Variants in HSD17B12 observed in about 807,000 individuals in gnomAD.
HSD17B12 encodes the protein hydroxysteroid 17-beta dehydrogenase 12.
Under a neutral mutation model 39.3 loss-of-function variants are expected in HSD17B12, and 32 were observed. The ratio of observed to expected loss-of-function variants is 0.81; its 90% CI spans 0.61 to 1.09. The LOEUF is 1.09. Among genes scored for constraint, HSD17B12 ranks in the 50% least tolerant of loss-of-function variants. The probability of loss-of-function intolerance (pLI) is 0.00; values close to 1 mark genes in which losing one functional copy is unlikely to be tolerated. For missense variants in HSD17B12, 342 were observed against 382.9 expected, an observed-to-expected ratio of 0.89 and a Z score of 0.89; for synonymous variants, 150 against 146.7, an observed-to-expected ratio of 1.02 and a Z score of -0.16.
chr11:43,741,614 A>G (rs1399416306), intron 1 of HSD17B12, among the ~76,000 whole-genome samples: 1 of 152,098 alleles, frequency 6.6e-6, no homozygotes, highest in Non-Finnish European at 1.5e-5. Context: ...TCTAAAATTT[A>G]TGATGAAGAA....
At chr11:43,837,222 G>A (rs1951379480) in intron 7 of HSD17B12, among the ~76,000 whole-genome samples, 1 of 152,068 alleles carries the variant, frequency 6.6e-6, no homozygotes, top group Non-Finnish European at 1.5e-5. Context: ...ATTTAATCAT[G>A]TATCCTTTAT....
the HSD17B12 span, among the ~76,000 whole-genome samples, chr11:43,558,327 G>A: frequency 2.0e-5 from 3 of 152,124 alleles, no homozygotes; most frequent in Admixed American, 6.6e-5. Flanking sequence ...TCCCTCCCCC[G>A]CGTCTTTCAC....
At chr11:43,565,508 T>C in the HSD17B12 span, among the ~76,000 whole-genome samples, 2 of 152,170 alleles carry the variant, frequency 1.3e-5, no homozygotes, top group African/African-American at 4.8e-5. Flanking sequence ...GAGCCTAGCA[T>C]AGTTACAATA....
At chr11:43,783,851 T>G (rs1950790675) in intron 3 of HSD17B12, among the ~76,000 whole-genome samples, 2 of 152,188 alleles carry the variant, frequency 1.3e-5, no homozygotes, top group Non-Finnish European at 2.9e-5. Flanking sequence ...TTAACTCACT[T>G]AAAAATAATA....
chr11:43,559,878 A>G, the HSD17B12 span: 5 of 155,914 alleles, frequency 3.2e-5, no homozygotes, highest in African/African-American at 7.2e-5. Flanking sequence ...AAGAAACCTA[A>G]GGGCAGGGGC....
intron 4 of HSD17B12, among the ~76,000 whole-genome samples, chr11:43,800,786 CTCAT>C (rs200539231): frequency 2.0e-5 from 3 of 152,010 alleles, no homozygotes. Context: ...TGTGCCCCTC[CTCAT>C]TCATTCATTC....
chr11:43,654,562 T>G, the HSD17B12 span, among the ~76,000 whole-genome samples: 1 of 152,028 alleles, frequency 6.6e-6, no homozygotes, highest in Non-Finnish European at 1.5e-5. Context: ...CATCTTGAAT[T>G]AATTTTTGTA....
chr11:43,740,218 A>C (rs1950351764), intron 1 of HSD17B12, among the ~76,000 whole-genome samples: 1 of 152,180 alleles, frequency 6.6e-6, no homozygotes, highest in Admixed American at 6.5e-5. Flanking sequence ...GAATTGAGTG[A>C]GGAGGGATGA....
intron 1 of HSD17B12, among the ~76,000 whole-genome samples, chr11:43,731,675 C>T (rs1326169867): frequency 6.6e-6 from 1 of 152,136 alleles, no homozygotes; most frequent in Non-Finnish European, 1.5e-5. Flanking sequence ...GAAGCAAAGC[C>T]TCCCACCAGA....
At chr11:43,763,124 G>A (rs1241611603) in intron 3 of HSD17B12, among the ~76,000 whole-genome samples, 1 of 152,118 alleles carries the variant, frequency 6.6e-6, no homozygotes, top group African/African-American at 2.4e-5. Flanking sequence ...TGGGTGTAAA[G>A]TATATCTTAA....
chr11:43,560,721 C>A, the HSD17B12 span, among the ~76,000 whole-genome samples: 8 of 152,092 alleles, frequency 5.3e-5, no homozygotes, highest in Admixed American at 5.2e-4. Context: ...GGTTCAAAGA[C>A]AAAATTTTTA....
intron 1 of HSD17B12, among the ~76,000 whole-genome samples, chr11:43,739,603 A>G (rs1331205001): frequency 6.6e-6 from 1 of 152,182 alleles, no homozygotes; most frequent in Non-Finnish European, 1.5e-5. Flanking sequence ...AGATTCTTTT[A>G]TAAGGGCCTT....
the HSD17B12 span, among the ~76,000 whole-genome samples, chr11:43,582,441 C>A: frequency 5.9e-5 from 9 of 152,326 alleles, no homozygotes; most frequent in South Asian, 1.7e-3. Context: ...GCCTTCACCA[C>A]GCTCCCCGCG....
the HSD17B12 span, among the ~76,000 whole-genome samples, chr11:43,621,871 A>T: frequency 1.3e-5 from 2 of 152,164 alleles, no homozygotes; most frequent in East Asian, 3.8e-4. Flanking sequence ...CATGCATCAC[A>T]CTTAGTGCAT....
At chr11:43,775,204 G>T (rs145894393) in intron 3 of HSD17B12, among the ~76,000 whole-genome samples, 3 of 152,192 alleles carry the variant, frequency 2.0e-5, no homozygotes, top group Non-Finnish European at 2.9e-5. Context: ...TGAAAGTGGC[G>T]CCTGAGCCTT....
chr11:43,742,760 G>GT (rs143152358), intron 1 of HSD17B12, among the ~76,000 whole-genome samples: 3,461 of 144,262 alleles, frequency 0.024, 144 homozygotes, highest in African/African-American at 0.082. Flanking sequence ...TTGTGTGTGT[G>GT]TTTTTTTTTT....
chr11:43,741,164 T>C (rs1172965806), intron 1 of HSD17B12, among the ~76,000 whole-genome samples: 2 of 152,340 alleles, frequency 1.3e-5, no homozygotes, highest in East Asian at 3.9e-4. Flanking sequence ...AGAGATTATC[T>C]TAGGTACCAC....
intron 1 of HSD17B12, among the ~76,000 whole-genome samples, chr11:43,702,106 T>C (rs998322112): frequency 2.6e-5 from 4 of 152,204 alleles, no homozygotes; most frequent in Non-Finnish European, 5.9e-5. Context: ...GGATTACTTT[T>C]TAATTTCTTT....
At chr11:43,575,118 G>C in the HSD17B12 span, among the ~76,000 whole-genome samples, 5 of 152,114 alleles carry the variant, frequency 3.3e-5, no homozygotes, top group Non-Finnish European at 7.4e-5. The surrounding 1 kb of genome is among the most constrained non-coding windows in gnomAD (Gnocchi z 4.1). Context: ...ATTTGCAAAG[G>C]GTTGTGTGCA....
Sources: allele counts gnomAD v4.1 joint callset (sites outside exome capture counted in the v4.1 genomes callset), GRCh38; gene constraint gnomAD v4.1.1; non-coding constraint Gnocchi (gnomAD v3.1); transcripts MANE v1.5; gene names NCBI Gene and HGNC (gene_info 2026-07-23, HGNC 2026-07-21).